Variants in ATP9A observed in about 807,000 individuals in gnomAD.
ATP9A encodes the protein ATPase phospholipid transporting 9A, also known as probable phospholipid-transporting ATPase IIA.
A neutral mutation model predicts 144.1 loss-of-function variants in ATP9A; 52 were observed. The ratio of observed to expected loss-of-function variants is 0.36; its 90% CI spans 0.29 to 0.45. ATP9A has a LOEUF of 0.45. Among genes scored for constraint, ATP9A ranks in the 20% least tolerant of loss-of-function variants. ATP9A has a pLI of 1.00. For synonymous variants in ATP9A, 582 were observed against 557.4 expected (o/e 1.04, Z -0.62); for missense variants, 947 against 1,392.7 (o/e 0.68, Z 5.09).
At chr20:51,603,771 ATTATTTATTTAT>A (rs11470265) in intron 27 of ATP9A, among the ~76,000 whole-genome samples, 4 of 149,706 alleles carry the variant, frequency 2.7e-5, no homozygotes, top group African/African-American at 9.9e-5. Context: ...AACATTTTTT[ATTATTTATTTAT>A]TTATTTATTT....
intron 21 of ATP9A, among the ~76,000 whole-genome samples, chr20:51,617,826 G>A (rs966758496): frequency 5.9e-5 from 9 of 152,198 alleles, no homozygotes; most frequent in African/African-American, 1.2e-4. Flanking sequence ...ACCACCACCT[G>A]TCCTCCTCGG....
intron 1 of ATP9A, among the ~76,000 whole-genome samples, chr20:51,741,033 AT>A (rs11477102): frequency 8.4e-4 from 81 of 95,914 alleles, no homozygotes; most frequent in African/African-American, 1.8e-3. Flanking sequence ...TTAAATTTTA[AT>A]TTAATTAATT....
chr20:51,691,157 T>C (rs59697447), intron 7 of ATP9A, among the ~76,000 whole-genome samples: 1,733 of 152,266 alleles, frequency 0.011, 41 homozygotes, highest in African/African-American at 0.04. Flanking sequence ...TTGCAAGACT[T>C]GTTTGTACCA....
intron 3 of ATP9A, among the ~76,000 whole-genome samples, chr20:51,719,879 T>A (rs889955807): frequency 1.3e-5 from 2 of 151,584 alleles, no homozygotes; most frequent in African/African-American, 4.9e-5. Flanking sequence ...GAAACCCCCA[T>A]CTCTACTAAA....
At chr20:51,637,136 T>C (rs1258819804) in intron 15 of ATP9A, among the ~76,000 whole-genome samples, 5 of 151,980 alleles carry the variant, frequency 3.3e-5, no homozygotes, top group Non-Finnish European at 5.9e-5. Flanking sequence ...TTCTTCTTAC[T>C]ACTGCTGCTG....
chr20:51,720,821 G>A (rs1033522296), intron 3 of ATP9A, among the ~76,000 whole-genome samples: 6 of 152,268 alleles, frequency 3.9e-5, no homozygotes, highest in African/African-American at 9.6e-5. Flanking sequence ...GCGACACAGC[G>A]AGACTCTGTC....
chr20:51,706,868 A>G (rs891390729), intron 4 of ATP9A, among the ~76,000 whole-genome samples: 1 of 152,164 alleles, frequency 6.6e-6, no homozygotes, highest in South Asian at 2.1e-4. Flanking sequence ...CAGTTTTTCA[A>G]ACAGCTCAGT....
chr20:51,719,647 C>T (rs544747524), intron 3 of ATP9A, among the ~76,000 whole-genome samples: 76 of 150,748 alleles, frequency 5.0e-4, no homozygotes, highest in Middle Eastern at 6.9e-3. Flanking sequence ...GCCGGAGAAT[C>T]GCTTGAACCC....
intron 15 of ATP9A, among the ~76,000 whole-genome samples, chr20:51,635,826 G>GGAAGGAAGGAAGGAAGGAAGGACGGA: frequency 2.1e-5 from 1 of 46,830 alleles, no homozygotes; most frequent in East Asian, 8.0e-4. Flanking sequence ...GGAAGGAAGG[G>GGAAGGAAGGAAGGAAGGAAGGACGGA]AGGGAGGGAG....
At chr20:51,652,027 C>A (rs2077368726) in intron 14 of ATP9A, among the ~76,000 whole-genome samples, 1 of 152,194 alleles carries the variant, frequency 6.6e-6, no homozygotes, top group African/African-American at 2.4e-5. Context: ...TACAGGACAG[C>A]ACCTCCTGGC....
intron 1 of ATP9A, among the ~76,000 whole-genome samples, chr20:51,740,372 T>A (rs972148846): frequency 6.7e-6 from 1 of 149,638 alleles, no homozygotes; most frequent in African/African-American, 2.5e-5. Context: ...ACAAACCAAT[T>A]TTAGTTGGGA....
intron 6 of ATP9A, 123 bp downstream of exon 6, chr20:51,695,970 C>G (rs1046527417): frequency 1.2e-6 from 1 of 850,548 alleles, no homozygotes; most frequent in East Asian, 2.6e-5. Context: ...TAAAAAGATG[C>G]TTTTGATTTG....
intron 3 of ATP9A, among the ~76,000 whole-genome samples, chr20:51,721,067 T>C (rs956936466): frequency 4.6e-5 from 7 of 152,184 alleles, no homozygotes; most frequent in African/African-American, 1.7e-4. Flanking sequence ...GCACCTGCAT[T>C]GTTTGTGTGG....
intron 26 of ATP9A, among the ~76,000 whole-genome samples, chr20:51,607,166 A>T (rs2077166845): frequency 6.6e-6 from 1 of 152,188 alleles, no homozygotes; most frequent in Non-Finnish European, 1.5e-5. Flanking sequence ...CCCCCTCTGG[A>T]GGCCACTGAG....
At chr20:51,709,341 C>A (rs1401230003) in intron 4 of ATP9A, among the ~76,000 whole-genome samples, 4 of 152,066 alleles carry the variant, frequency 2.6e-5, no homozygotes, top group East Asian at 3.9e-4. Flanking sequence ...ATGGTGAAAC[C>A]CCGTCTCTAC....
At chr20:51,726,033 G>A in intron 2 of ATP9A, 101 bp from the exon 3 acceptor site, 1 of 757,702 alleles carries the variant, frequency 1.3e-6, no homozygotes, top group South Asian at 1.7e-5. Context: ...CATTCCTGCA[G>A]CCAGGCGTGG....
At chr20:51,755,438 T>TAAAA (rs879859381) in intron 1 of ATP9A, among the ~76,000 whole-genome samples, 1 of 143,710 alleles carries the variant, frequency 7.0e-6, no homozygotes, top group South Asian at 2.2e-4. Flanking sequence ...CCATCTCAAT[T>TAAAA]AAAAAAAAAA....
At chr20:51,642,756 A>C (rs1054047492) in intron 14 of ATP9A, among the ~76,000 whole-genome samples, 17 of 133,626 alleles carry the variant, frequency 1.3e-4, no homozygotes, top group Non-Finnish European at 2.1e-4. Flanking sequence ...AAAAAAAAAA[A>C]AAAAAAAACC....
intron 3 of ATP9A, among the ~76,000 whole-genome samples, chr20:51,723,958 G>A (rs554029299): frequency 6.6e-6 from 1 of 152,128 alleles, no homozygotes; most frequent in East Asian, 2.0e-4. Context: ...ATCGCCTGAG[G>A]TCAGTCGTTT....
Sources: gnomAD v4.1 joint callset for allele counts (sites outside exome capture counted in the v4.1 genomes callset) on GRCh38, gnomAD v4.1.1 for gene constraint, MANE v1.5 for transcripts, NCBI Gene and HGNC (gene_info 2026-07-23, HGNC 2026-07-21) for gene names.